CACNA1S: variants seen among roughly 807,000 people sequenced by gnomAD.
The protein encoded by CACNA1S is calcium voltage-gated channel subunit alpha1 S, also known as voltage-dependent L-type calcium channel subunit alpha-1S.
Under a neutral mutation model 207.4 loss-of-function variants are expected in CACNA1S, and 126 were observed. The observed-to-expected ratio is 0.61, with a 90% CI of 0.53 to 0.70. The LOEUF (loss-of-function observed/expected upper bound fraction) is 0.70. Among genes scored for constraint, CACNA1S ranks in the 30% least tolerant of loss-of-function variants. The pLI, the probability that CACNA1S is intolerant of heterozygous loss-of-function variation, is 0.00. For missense variants in CACNA1S, 2,349 were observed against 2,422.8 expected (o/e 0.97, Z 0.64); for synonymous variants, 960 against 932.7 (o/e 1.03, Z -0.53).
chr1:201,097,949 C>G (rs919706822), intron 2 of CACNA1S, among the ~76,000 whole-genome samples: 5 of 152,202 alleles, frequency 3.3e-5, no homozygotes, highest in Non-Finnish European at 4.4e-5. Flanking sequence ...CCTCATGACT[C>G]ACTTTTTTCT....
At chr1:201,043,587 G>C in intron 39 of CACNA1S, 56 bp from the exon 40 acceptor site, 1 of 1,515,092 alleles carries the variant, frequency 6.6e-7, no homozygotes. Flanking sequence ...GGCATGGGGG[G>C]CTGTCACTCT....
intron 10 of CACNA1S, among the ~76,000 whole-genome samples, chr1:201,082,593 T>A (rs903220554): frequency 1.3e-5 from 2 of 152,218 alleles, no homozygotes; most frequent in Admixed American, 1.3e-4. Context: ...GCTGCTACCT[T>A]GTATTTACCT....
intron 12 of CACNA1S, 146 bp downstream of exon 12, chr1:201,076,774 T>C: frequency 2.6e-6 from 2 of 776,846 alleles, no homozygotes; most frequent in South Asian, 1.4e-5. Context: ...GCACAGGTGA[T>C]AGGGGAGCCC....
At position 201,049,225 on chromosome 1, in the gene CACNA1S, G is replaced by T. The variant is rs563054322; in HGVS notation, c.4242-126C>A. The T allele has an allele frequency of 1.1e-4, 80 of 701,486 alleles. No individual in the cohort carries two copies. The African/African-American group carries it at 1.3e-3, about 11-fold the overall frequency. The allele number at this position is 701,486 out of a possible 1,614,324, so 43.5% of individuals were successfully genotyped here. ...GGGAGCATTTCCTTATTTTCCAACT[G>T]TGTTTAGGAAGTGGGAGCCCAGCTC... On this transcript the variant is annotated intron_variant, in intron 34 of 43. Transcript: ENST00000362061.
At chr1:201,091,907 G>A in intron 4 of CACNA1S, 65 bp downstream of exon 4, 1 of 1,609,786 alleles carries the variant, frequency 6.2e-7, no homozygotes, top group Admixed American at 1.7e-5. Context: ...AGGGGACCCA[G>A]AACTGGGGGA....
intron 9 of CACNA1S, 22 bp downstream of exon 9, chr1:201,084,928 G>A: frequency 6.4e-7 from 1 of 1,568,552 alleles, no homozygotes; most frequent in Non-Finnish European, 8.8e-7. Context: ...GGGGGTTCCT[G>A]GGGCAGTGGG....
At chr1:201,085,151 G>T (rs1661991174) in intron 8 of CACNA1S, 120 bp from the exon 9 acceptor site, 3 of 797,956 alleles carry the variant, frequency 3.8e-6, no homozygotes, top group Non-Finnish European at 6.5e-6. Context: ...ATGGGTCCTA[G>T]GTAGGCCTGG....
chr1:201,058,344 T>C, intron 28 of CACNA1S, 64 bp downstream of exon 28: 1 of 1,385,440 alleles, frequency 7.2e-7, no homozygotes. Flanking sequence ...CCCACAAATA[T>C]CTGTGGATTG....
intron 2 of CACNA1S, among the ~76,000 whole-genome samples, chr1:201,102,968 C>A (rs185719333): frequency 2.7e-4 from 41 of 152,266 alleles, no homozygotes; most frequent in African/African-American, 9.6e-4. Flanking sequence ...ATTTATTGAG[C>A]AACTCTTGTG....
Position 201,039,869 on chromosome 1 carries a change from G to T in CACNA1S, c.5584C>A (p.Gln1862Lys). 1 of 1,610,474 alleles carries T rather than the reference G, an allele frequency of 6.2e-7. No individual in the cohort carries two copies. The change falls in exon 44 of 44, where the codon CAG becomes AAG. Residue 1862 changes from glutamine (Q) to lysine (K), a missense_variant. Gln to Lys is a moderately conservative substitution (Grantham distance 53). Transcript: ENST00000362061. ...GGAATAAGGGTCTCCTGGGAGCCCT[G>T]GTGTTGGTCGAGGCTGCCCAGGGAG... ...GSSLGSLDQHQGSQETLIPPR... is the reference protein window; with the variant it reads ...GSSLGSLDQHKGSQETLIPPR...
chr1:201,112,089 C>A (rs1355146768), intron 1 of CACNA1S, 99 bp downstream of exon 1: 3 of 1,240,402 alleles, frequency 2.4e-6, no homozygotes, highest in East Asian at 2.4e-5. Context: ...AGTGCCAGGC[C>A]TCCCTGGCCC....
At chr1:201,105,112 G>C (rs1006412327) in intron 2 of CACNA1S, among the ~76,000 whole-genome samples, 1 of 152,214 alleles carries the variant, frequency 6.6e-6, no homozygotes, top group Non-Finnish European at 1.5e-5. Context: ...ATTAAGAAAA[G>C]TTAGGGGTTT....
chr1:201,067,792 C>T (rs990407596), intron 19 of CACNA1S, among the ~76,000 whole-genome samples: 1 of 152,234 alleles, frequency 6.6e-6, no homozygotes, highest in Non-Finnish European at 1.5e-5. Context: ...CCAAACTCCA[C>T]AAACTTCTTG....
intron 17 of CACNA1S, 37 bp downstream of exon 17, chr1:201,070,235 G>C: frequency 6.2e-7 from 1 of 1,611,864 alleles, no homozygotes. Flanking sequence ...GATGAGAGCC[G>C]CATCAATCAC....
At chr1:201,092,484 A>C (rs1160844859) in intron 3 of CACNA1S, among the ~76,000 whole-genome samples, 1 of 151,926 alleles carries the variant, frequency 6.6e-6, no homozygotes, top group Non-Finnish European at 1.5e-5. Context: ...CAGAGAAGAA[A>C]CTCCACAGCA....
chr1:201,059,003 T>C (rs972146861), intron 27 of CACNA1S, among the ~76,000 whole-genome samples, 186 bp downstream of exon 27: 12 of 152,236 alleles, frequency 7.9e-5, no homozygotes, highest in Non-Finnish European at 1.8e-4. Flanking sequence ...TTGTCAATTC[T>C]GGCTGCATGA....
In CACNA1S at chr1:201,086,391, G is replaced by A. The variant is rs530215078; in HGVS notation, c.1005-810C>T. Among the ~76,000 whole-genome samples the A allele has an allele frequency of 2.2e-4, 33 of 152,372 alleles. No individual in the cohort carries two copies. In the South Asian group the frequency reaches 3.7e-3, roughly 17 times the overall value. On this transcript the variant is annotated intron_variant, in intron 7 of 43. Coordinates refer to ENST00000362061, the MANE Select transcript of CACNA1S (RefSeq NM_000069.3). ...AGGCTTCACTTAATGACTGGGATGC[G>A]TTCTGAGAAAGGCATTGTTAGGTGA...
chr1:201,075,419 C>G (rs1487436894), intron 13 of CACNA1S, 76 bp downstream of exon 13: 1 of 1,593,834 alleles, frequency 6.3e-7, no homozygotes, highest in African/African-American at 1.3e-5. Flanking sequence ...AACTGGACAC[C>G]CTTGACCCCC....
rs367577681 is a variant in CACNA1S, at chr1:201,041,551, G to A, written c.5087C>T (p.Thr1696Met). ...YEREFPEETE[T>M]PATRGRALGQ... is the part of the protein sequence containing the mutation. The stretch of plus-strand genomic sequence containing the variant: ...AAGGGCTCGTCCTCTGGTAGCAGGC[G>A]TCTCTGTCTCTTCTGGGAACTCCCT... Residue 1696 changes from threonine to methionine, a missense_variant, in exon 41 of 44, where the codon ACG (threonine) becomes ATG (methionine). Thr to Met is a moderately conservative substitution (Grantham distance 81). Transcript: ENST00000362061. 3.5e-4 allele frequency: 563 copies of A among 1,614,154 alleles called. 4 individuals carry two copies. In the South Asian group the frequency reaches 5.1e-3, roughly 15 times the overall value.
Sources: gnomAD v4.1 joint callset for allele counts (sites outside exome capture counted in the v4.1 genomes callset) on GRCh38, gnomAD v4.1.1 for gene constraint, MANE v1.5 for transcripts, NCBI Gene and HGNC (gene_info 2026-07-23, HGNC 2026-07-21) for gene names.